Variants in COX7B2 observed in about 807,000 individuals in gnomAD.
The protein encoded by COX7B2 is cytochrome c oxidase subunit 7B2.
For synonymous variants in COX7B2, 37 were observed against 32.1 expected (o/e 1.15, Z -0.51); for missense variants, 109 against 95.9 (o/e 1.14, Z -0.57).
intron 2 of COX7B2, among the ~76,000 whole-genome samples, chr4:46,735,959 C>T (rs1290055867): frequency 6.6e-6 from 1 of 152,154 alleles, no homozygotes; most frequent in Non-Finnish European, 1.5e-5. Flanking sequence ...GCCTCCCTAG[C>T]TATCAACATC....
intron 2 of COX7B2, among the ~76,000 whole-genome samples, chr4:46,767,046 C>T (rs1375602825): frequency 6.6e-6 from 1 of 152,204 alleles, no homozygotes; most frequent in Non-Finnish European, 1.5e-5. Context: ...AGATTAAATA[C>T]TCCAATCAAA....
At chr4:46,858,010 GT>G (rs1717102259) in intron 1 of COX7B2, among the ~76,000 whole-genome samples, 1 of 152,234 alleles carries the variant, frequency 6.6e-6, no homozygotes, top group African/African-American at 2.4e-5. Context: ...AGCTGGTGGG[GT>G]TTTTGAATAA....
At chr4:46,812,790 C>A (rs1276784609) in intron 2 of COX7B2, among the ~76,000 whole-genome samples, 3 of 152,168 alleles carry the variant, frequency 2.0e-5, no homozygotes, top group African/African-American at 7.2e-5. Context: ...TGTTTAGCCC[C>A]AGAAAGTGCA....
chr4:46,762,778 C>T (rs933373648), intron 2 of COX7B2, among the ~76,000 whole-genome samples: 1 of 147,568 alleles, frequency 6.8e-6, no homozygotes, highest in Admixed American at 7.0e-5. Context: ...TTATTATCTT[C>T]ATATACATAT....
intron 2 of COX7B2, among the ~76,000 whole-genome samples, chr4:46,790,657 G>A (rs1386326815): frequency 1.3e-5 from 2 of 152,006 alleles, no homozygotes; most frequent in African/African-American, 4.8e-5. Context: ...TATCTGTTCT[G>A]GGTCCCCATA....
intron 1 of COX7B2, among the ~76,000 whole-genome samples, chr4:46,864,914 G>A (rs1257035386): frequency 6.6e-6 from 1 of 152,106 alleles, no homozygotes; most frequent in Non-Finnish European, 1.5e-5. Flanking sequence ...AAAGTGCTGG[G>A]GTTACAGGCG....
chr4:46,773,877 C>T (rs1324053500), intron 2 of COX7B2, among the ~76,000 whole-genome samples: 1 of 152,100 alleles, frequency 6.6e-6, no homozygotes, highest in African/African-American at 2.4e-5. Flanking sequence ...TTTAGCCAAA[C>T]AATGACTAAA....
chr4:46,750,002 A>G (rs1323914144), intron 2 of COX7B2, among the ~76,000 whole-genome samples: 1 of 152,134 alleles, frequency 6.6e-6, no homozygotes, highest in East Asian at 1.9e-4. Flanking sequence ...GACACAGAGT[A>G]AGGACTTCAC....
intron 2 of COX7B2, among the ~76,000 whole-genome samples, chr4:46,818,987 C>T (rs984001191): frequency 1.3e-5 from 2 of 152,182 alleles, no homozygotes; most frequent in African/African-American, 2.4e-5. Context: ...GTAGGGTGCT[C>T]GATAACTATT....
chr4:46,743,526 G>C (rs1375456373), intron 2 of COX7B2, among the ~76,000 whole-genome samples: 1 of 152,152 alleles, frequency 6.6e-6, no homozygotes, highest in African/African-American at 2.4e-5. Context: ...ATTGAAAAGG[G>C]ATCTTATGTC....
chr4:46,855,314 T>C (rs528859777), intron 1 of COX7B2, among the ~76,000 whole-genome samples: 1 of 151,926 alleles, frequency 6.6e-6, no homozygotes, highest in Non-Finnish European at 1.5e-5. Context: ...AAAATATTAT[T>C]AGCAAAAATA....
At chr4:46,883,808 AT>A (rs1427067837) in intron 1 of COX7B2, among the ~76,000 whole-genome samples, 2 of 152,010 alleles carry the variant, frequency 1.3e-5, no homozygotes, top group East Asian at 3.9e-4. Flanking sequence ...TTAATTTTAA[AT>A]TCTTGTCAAG....
At chr4:46,783,942 C>T (rs1577700853) in intron 2 of COX7B2, among the ~76,000 whole-genome samples, 1 of 152,146 alleles carries the variant, frequency 6.6e-6, no homozygotes, top group Non-Finnish European at 1.5e-5. Flanking sequence ...TCTACTAAGG[C>T]GAGTCCTGTC....
intron 2 of COX7B2, among the ~76,000 whole-genome samples, chr4:46,749,322 T>A (rs1296723749): frequency 6.6e-6 from 1 of 152,156 alleles, no homozygotes; most frequent in Non-Finnish European, 1.5e-5. Context: ...AACTTTTCTC[T>A]ATCCAAAATG....
In COX7B2 at chr4:46,769,594, T is replaced by G. The variant is rs562052810; in HGVS notation, c.-49-34353A>C. ...TTAGCCAGGTGTGTTGGCATGTGCA[T>G]GTAATGCCAGCTACTCAGAAGACTG... On this transcript the variant is annotated intron_variant, in intron 2 of 2. Transcript: ENST00000355591. Among the ~76,000 whole-genome samples the G allele has an allele frequency of 2.0e-5, 3 of 152,238 alleles. No individual in the cohort carries two copies. In the East Asian group the frequency reaches 5.8e-4, roughly 29 times the overall value.
intron 2 of COX7B2, among the ~76,000 whole-genome samples, chr4:46,818,356 G>T (rs759051802): frequency 5.3e-5 from 8 of 152,068 alleles, no homozygotes; most frequent in Non-Finnish European, 1.2e-4. Flanking sequence ...ACTGGAAGCC[G>T]GGCGCCGTGG....
chr4:46,784,261 T>C (rs980318575), intron 2 of COX7B2, among the ~76,000 whole-genome samples: 9 of 152,132 alleles, frequency 5.9e-5, no homozygotes, highest in African/African-American at 2.2e-4. Flanking sequence ...TTTTGTAAAA[T>C]AATATACAAA....
At chr4:46,897,252 A>C (rs1261548123) in intron 1 of COX7B2, among the ~76,000 whole-genome samples, 1 of 152,152 alleles carries the variant, frequency 6.6e-6, no homozygotes, top group East Asian at 1.9e-4. Context: ...TGTAAAATAA[A>C]GGTTCCAACT....
At chr4:46,754,443 G>C (rs1338479679) in intron 2 of COX7B2, among the ~76,000 whole-genome samples, 1 of 143,414 alleles carries the variant, frequency 7.0e-6, no homozygotes, top group Non-Finnish European at 1.5e-5. Flanking sequence ...AACCATCATT[G>C]TCAGCAAACT....
Sources: allele counts gnomAD v4.1 joint callset (sites outside exome capture counted in the v4.1 genomes callset), GRCh38; gene constraint gnomAD v4.1.1; transcripts MANE v1.5; gene names NCBI Gene and HGNC (gene_info 2026-07-23, HGNC 2026-07-21).